TMPRSS15: variants seen among roughly 807,000 people sequenced by gnomAD.
TMPRSS15 encodes enteropeptidase.
TMPRSS15 carries 128 observed loss-of-function variants against 125.3 expected under a neutral mutation model. The observed-to-expected ratio is 1.02, with a 90% CI of 0.89 to 1.18. TMPRSS15 has a LOEUF of 1.18. Ranked by LOEUF, TMPRSS15 falls within the 50% of genes most tolerant of loss-of-function variation. The pLI, the probability that TMPRSS15 is intolerant of heterozygous loss-of-function variation, is 0.00. For missense variants in TMPRSS15, 1,283 were observed against 1,212.7 expected, an observed-to-expected ratio of 1.06 and a Z score of -0.86; for synonymous variants, 446 against 423.2, an observed-to-expected ratio of 1.05 and a Z score of -0.66.
intron 23 of TMPRSS15, among the ~76,000 whole-genome samples, chr21:18,277,988 G>A (rs571693896): frequency 6.6e-6 from 1 of 152,198 alleles, no homozygotes; most frequent in Non-Finnish European, 1.5e-5. Flanking sequence ...TAATATGTAT[G>A]ATTTCTGTGT....
chr21:18,353,085 A>T, intron 9 of TMPRSS15, 33 bp from the exon 10 acceptor site: 1 of 1,589,736 alleles, frequency 6.3e-7, no homozygotes, highest in Non-Finnish European at 8.6e-7. Context: ...AATAAAAAAA[A>T]TTTAGTCCAT....
At chr21:18,381,835 C>T (rs554155944) in intron 4 of TMPRSS15, among the ~76,000 whole-genome samples, 7 of 151,762 alleles carry the variant, frequency 4.6e-5, no homozygotes, top group South Asian at 2.1e-4. Flanking sequence ...GGAGGATGGG[C>T]GGTGGGAGGA....
chr21:18,376,144 T>C (rs1404274391), intron 5 of TMPRSS15, among the ~76,000 whole-genome samples: 4 of 152,126 alleles, frequency 2.6e-5, no homozygotes, highest in African/African-American at 7.2e-5. Context: ...CTATGTTATA[T>C]TGGAAAATAG....
At chr21:18,472,821 A>G (rs1978806925) in intron 1 of TMPRSS15, among the ~76,000 whole-genome samples, 1 of 152,104 alleles carries the variant, frequency 6.6e-6, no homozygotes, top group Admixed American at 6.6e-5. Flanking sequence ...GAAAAACTGC[A>G]GTATAATTAT....
intron 13 of TMPRSS15, 21 bp from the exon 14 acceptor site, chr21:18,332,194 A>G (rs2075352694): frequency 1.9e-6 from 3 of 1,584,444 alleles, no homozygotes; most frequent in Non-Finnish European, 2.6e-6. Flanking sequence ...AAGCAATGGG[A>G]AATCATCAGT....
chr21:18,437,955 A>C (rs931574798), intron 1 of TMPRSS15, among the ~76,000 whole-genome samples: 2 of 151,498 alleles, frequency 1.3e-5, no homozygotes, highest in African/African-American at 2.4e-5. Context: ...ATACCATTTG[A>C]CCCAGCCATC....
intron 1 of TMPRSS15, among the ~76,000 whole-genome samples, chr21:18,432,811 G>A (rs1045181642): frequency 2.0e-5 from 3 of 152,064 alleles, no homozygotes; most frequent in African/African-American, 7.2e-5. Context: ...GGCAACCCTA[G>A]GAAACTGATT....
intron 1 of TMPRSS15, among the ~76,000 whole-genome samples, chr21:18,414,519 T>C (rs1426605027): frequency 6.6e-6 from 1 of 152,218 alleles, no homozygotes. Context: ...TTTGCCCAAC[T>C]CTGCAGCCCT....
At chr21:18,371,669 T>C (rs1387885749) in intron 6 of TMPRSS15, among the ~76,000 whole-genome samples, 3 of 152,174 alleles carry the variant, frequency 2.0e-5, no homozygotes, top group Non-Finnish European at 1.5e-5. Flanking sequence ...TTATTTCTAC[T>C]ATTTATAGAA....
intron 3 of TMPRSS15, among the ~76,000 whole-genome samples, chr21:18,396,792 A>AAAATCTGGCTGTCTGTCTGTCTG: frequency 8.9e-6 from 1 of 112,794 alleles, no homozygotes; most frequent in East Asian, 3.8e-4. Context: ...AAAAAAAAAA[A>AAAATCTGGCTGTCTGTCTGTCTG]TCTGTCTGTC....
chr21:18,354,199 A>C (rs942481015), intron 8 of TMPRSS15, among the ~76,000 whole-genome samples: 13 of 151,848 alleles, frequency 8.6e-5, no homozygotes, highest in African/African-American at 2.9e-4. Flanking sequence ...TTAGTTAAGC[A>C]GTTTTGAAAA....
chr21:18,284,222 C>T (rs2074736446), intron 21 of TMPRSS15, among the ~76,000 whole-genome samples: 1 of 152,154 alleles, frequency 6.6e-6, no homozygotes, highest in Non-Finnish European at 1.5e-5. Context: ...CACTTAACTT[C>T]CCCACCACAA....
chr21:18,344,579 T>C (rs768433848), intron 10 of TMPRSS15, among the ~76,000 whole-genome samples: 1 of 152,230 alleles, frequency 6.6e-6, no homozygotes, highest in Non-Finnish European at 1.5e-5. Flanking sequence ...TTATCTTTCT[T>C]TATTCCTATG....
chr21:18,392,242 C>T (rs1035553667), intron 3 of TMPRSS15, among the ~76,000 whole-genome samples: 7 of 152,304 alleles, frequency 4.6e-5, no homozygotes, highest in African/African-American at 1.4e-4. Flanking sequence ...TTTCTTTCTG[C>T]CACATAGTTA....
intron 18 of TMPRSS15, among the ~76,000 whole-genome samples, chr21:18,311,084 C>CA (rs1245739511): frequency 4.0e-5 from 6 of 151,770 alleles, no homozygotes; most frequent in Non-Finnish European, 2.9e-5. Context: ...AAAATCATAT[C>CA]AAAATGGATT....
chr21:18,462,465 T>C (rs1222843240), intron 1 of TMPRSS15, among the ~76,000 whole-genome samples: 2 of 152,064 alleles, frequency 1.3e-5, no homozygotes, highest in Non-Finnish European at 2.9e-5. Flanking sequence ...ATTAGATAAA[T>C]CACTATTAGA....
At chr21:18,333,269 A>G (rs1027034707) in intron 13 of TMPRSS15, among the ~76,000 whole-genome samples, 3 of 152,206 alleles carry the variant, frequency 2.0e-5, no homozygotes, top group African/African-American at 7.2e-5. Context: ...ATTGGAAAAA[A>G]AAATAGATAA....
chr21:18,459,312 C>T (rs1476878971), intron 1 of TMPRSS15, among the ~76,000 whole-genome samples: 2 of 151,006 alleles, frequency 1.3e-5, no homozygotes, highest in African/African-American at 4.9e-5. Context: ...CTTGCTCTGT[C>T]GCCCAGTCTG....
chr21:18,327,796 T>C (rs572066570), intron 15 of TMPRSS15, among the ~76,000 whole-genome samples: 1 of 152,238 alleles, frequency 6.6e-6, no homozygotes, highest in South Asian at 2.1e-4. Flanking sequence ...AAATTGATCA[T>C]TTGAGCATCT....
Sources: allele counts gnomAD v4.1 joint callset (sites outside exome capture counted in the v4.1 genomes callset), GRCh38; gene constraint gnomAD v4.1.1; transcripts MANE v1.5; gene names NCBI Gene and HGNC (gene_info 2026-07-23, HGNC 2026-07-21).